The following MTMR12 variants were observed in gnomAD, a reference collection of about 807,000 sequenced individuals.
MTMR12 encodes the protein myotubularin related protein 12, also known as myotubularin-related protein 12.
MTMR12 carries 33 observed loss-of-function variants against 96.7 expected under a neutral mutation model. The observed-to-expected ratio is 0.34, with a 90% CI of 0.26 to 0.46. The LOEUF (loss-of-function observed/expected upper bound fraction) is 0.46, where lower values mean the gene tolerates loss of function less well. MTMR12 is among the 20% of genes least tolerant of loss of function. The pLI is 1.00. For synonymous variants in MTMR12, 298 were observed against 327.2 expected (o/e 0.91, Z 0.96); for missense variants, 721 against 896.1 (o/e 0.80, Z 2.49).
chr5:32,262,250 C>T lies in MTMR12; in HGVS notation c.713+863G>A, dbSNP rs150901734. The stretch of plus-strand genomic sequence containing the variant: ...TGGCAGTCCACTTCTAGGTAATATA[C>T]CCAAGAAAAATAAAAACATACATCT... On this transcript the variant is annotated intron_variant, in intron 7 of 15. Transcript: ENST00000382142. Among the ~76,000 whole-genome samples the T allele has an allele frequency of 6.3e-3, 952 of 151,822 alleles. 5 individuals are homozygous for T. The highest frequency in any genetic ancestry group is 0.011 in the Non-Finnish European group (722 of 67,936).
At chr5:32,304,975 T>C (rs1360126666) in intron 1 of MTMR12, among the ~76,000 whole-genome samples, 1 of 152,232 alleles carries the variant, frequency 6.6e-6, no homozygotes, top group African/African-American at 2.4e-5. Flanking sequence ...TAATGTCTTC[T>C]GATGGCCTAC....
intron 9 of MTMR12, 137 bp from the exon 10 acceptor site, chr5:32,248,263 A>T: frequency 1.0e-6 from 1 of 969,176 alleles, no homozygotes; most frequent in Non-Finnish European, 1.5e-6. Context: ...CAATTGCTGC[A>T]GGACTCCTGT....
Position 32,228,601 on chromosome 5 carries a change from T to TC in MTMR12, c.*1176_*1177insG, listed in dbSNP as rs1485339470. The TC allele has an allele frequency of 5.6e-4, 70 of 124,240 alleles. 1 individual carries two copies. The highest frequency in any genetic ancestry group is 1.7e-3 in the East Asian group (6 of 3,632). The allele number at this position is 124,240 out of a possible 1,614,324, so 7.7% of individuals were successfully genotyped here. A position where few individuals can be genotyped will look rare whatever the true frequency, so the allele number is the denominator to read the frequency against. The stretch of plus-strand genomic sequence containing the variant: ...ATATCATATATATGTGATATATATA[T>TC]ATATATCATATATATGATATATATA... On this transcript the variant is annotated 3_prime_UTR_variant, in exon 16 of 16. Coordinates refer to ENST00000382142, the MANE Select transcript of MTMR12 (RefSeq NM_001040446.3).
intron 1 of MTMR12, among the ~76,000 whole-genome samples, chr5:32,284,678 T>C (rs3884509): frequency 0.34 from 51,904 of 152,040 alleles, 9,077 homozygotes; most frequent in East Asian, 0.51. Flanking sequence ...ACCAACTACC[T>C]AGTTAGTAGA....
intron 11 of MTMR12, among the ~76,000 whole-genome samples, chr5:32,242,846 G>C (rs890716149): frequency 6.6e-6 from 1 of 152,002 alleles, no homozygotes; most frequent in Non-Finnish European, 1.5e-5. Flanking sequence ...ACAGTTCAGT[G>C]TCTGGAGGGC....
chr5:32,239,713 A>C (rs537858695), intron 12 of MTMR12, among the ~76,000 whole-genome samples: 2 of 152,324 alleles, frequency 1.3e-5, no homozygotes, highest in African/African-American at 4.8e-5. Flanking sequence ...CTTTGGAGAA[A>C]GTTTAATATT....
intron 7 of MTMR12, among the ~76,000 whole-genome samples, chr5:32,262,339 G>A (rs1270908497): frequency 6.6e-6 from 1 of 152,144 alleles, no homozygotes; most frequent in African/African-American, 2.4e-5. Flanking sequence ...GATGGCTCAT[G>A]CCTGTAATCC....
Position 32,233,944 on chromosome 5 carries a change from C to T in MTMR12, c.1513-10G>A. 1 of 1,614,142 alleles carries T rather than the reference C, an allele frequency of 6.2e-7. No individual in the cohort carries two copies. The highest frequency in any genetic ancestry group is 8.5e-7 in the Non-Finnish European group (1 of 1,180,004). ...CCTGGCCTTCTCTACCCTGCCAAAA[C>T]AAGCACAGGTCATGCTGTTTTCCAG... On this transcript the variant is annotated splice_polypyrimidine_tract_variant and intron_variant, in intron 14 of 15. Coordinates refer to ENST00000382142, the MANE Select transcript of MTMR12 (RefSeq NM_001040446.3). This position sits in a 1 kb window ranked among gnomAD's most constrained non-coding sequence, Gnocchi z 5.0.
intron 13 of MTMR12, among the ~76,000 whole-genome samples, chr5:32,235,438 C>T (rs73752846): frequency 6.6e-6 from 1 of 152,090 alleles, no homozygotes; most frequent in Non-Finnish European, 1.5e-5. Context: ...AACTTAGAAC[C>T]CCAATTAAGC....
At chr5:32,283,615 A>T (rs955148379) in intron 1 of MTMR12, among the ~76,000 whole-genome samples, 1 of 152,226 alleles carries the variant, frequency 6.6e-6, no homozygotes, top group Admixed American at 6.5e-5. Flanking sequence ...GAAAGAAGGA[A>T]TGAAAGGAAA....
At position 32,239,193 on chromosome 5, in the gene MTMR12, C is replaced by T; in HGVS notation, c.1172-20G>A. The T allele has an allele frequency of 6.4e-7, 1 of 1,552,028 alleles. No homozygotes were observed. The highest frequency in any genetic ancestry group is 8.7e-7 in the Non-Finnish European group (1 of 1,143,678). ...TCTCCTCTAGGAGAGGCCCCAGCAG[C>T]AGTGCAAAGAGGAAGGAGGGCATAA... On this transcript the variant is annotated intron_variant, in intron 12 of 15. Coordinates refer to ENST00000382142, the MANE Select transcript of MTMR12 (RefSeq NM_001040446.3).
At chr5:32,236,496 ATGACTGTGCAACTGTATTCCAGCC>A in intron 13 of MTMR12, among the ~76,000 whole-genome samples, 1 of 152,172 alleles carries the variant, frequency 6.6e-6, no homozygotes. Context: ...GCAGTAAGCC[ATGACTGTGCAACTGTATTCCAGCC>A]TGGGCAACAG....
chr5:32,308,924 C>A (rs1477437980), intron 1 of MTMR12, among the ~76,000 whole-genome samples: 1 of 152,138 alleles, frequency 6.6e-6, no homozygotes, highest in Non-Finnish European at 1.5e-5. Flanking sequence ...TTTTAAAAAA[C>A]CATCCACAAT....
chr5:32,262,902 G>C (rs1018269674), intron 7 of MTMR12, among the ~76,000 whole-genome samples: 1 of 152,224 alleles, frequency 6.6e-6, no homozygotes, highest in Non-Finnish European at 1.5e-5. Flanking sequence ...ATAGAAAGTA[G>C]ATTAGTGGTT....
At position 32,242,108 on chromosome 5, in the gene MTMR12, T is replaced by C. The variant is rs776086037; in HGVS notation, c.1120A>G (p.Ile374Val). 2.5e-6 allele frequency: 4 copies of C among 1,613,010 alleles called. No homozygotes were observed. The highest frequency in any genetic ancestry group is 1.1e-5 in the South Asian group (1 of 90,986). ...GCTTCCATACATTCTGTAATCTCTATTGCTTTTTTCAGGCAACGTCTGAAT... is the reference window on the plus strand; with the variant it reads ...GCTTCCATACATTCTGTAATCTCTACTGCTTTTTTCAGGCAACGTCTGAAT... ...DIIRRCLKKA[I>V]EITECMEAQN... The change falls in exon 12 of 16, where the codon ATA (isoleucine) becomes GTA (valine). Residue 374 changes from isoleucine (I) to valine (V), a missense_variant. Ile to Val is a conservative substitution (Grantham distance 29). Coordinates refer to ENST00000382142, the MANE Select transcript of MTMR12 (RefSeq NM_001040446.3).
intron 8 of MTMR12, among the ~76,000 whole-genome samples, chr5:32,252,696 AAAC>A (rs2112032174): frequency 6.6e-6 from 1 of 152,354 alleles, no homozygotes; most frequent in East Asian, 1.9e-4. Context: ...ATTCATTTTA[AAAC>A]AATAATTACC....
intron 1 of MTMR12, among the ~76,000 whole-genome samples, chr5:32,302,729 A>T (rs1322934487): frequency 2.6e-5 from 4 of 152,044 alleles, no homozygotes; most frequent in Non-Finnish European, 2.9e-5. Flanking sequence ...GTATAAAAAA[A>T]AAAAAAAAAT....
intron 1 of MTMR12, among the ~76,000 whole-genome samples, chr5:32,277,302 C>G (rs1750093400): frequency 6.6e-6 from 1 of 152,156 alleles, no homozygotes; most frequent in Admixed American, 6.5e-5. Context: ...TAGTAGCTGT[C>G]CCAAGTAGAG....
intron 13 of MTMR12, among the ~76,000 whole-genome samples, chr5:32,237,004 A>G (rs1262092083): frequency 6.6e-6 from 1 of 152,182 alleles, no homozygotes; most frequent in Non-Finnish European, 1.5e-5. Flanking sequence ...ATTCAGCTCA[A>G]TGGGACACAG....
Sources: gnomAD v4.1 joint callset for allele counts (sites outside exome capture counted in the v4.1 genomes callset) on GRCh38, gnomAD v4.1.1 for gene constraint, Gnocchi (gnomAD v3.1) non-coding constraint, MANE v1.5 for transcripts, NCBI Gene and HGNC (gene_info 2026-07-23, HGNC 2026-07-21) for gene names.